The following ARSF variants were observed in gnomAD, a reference collection of about 807,000 sequenced individuals.
The protein encoded by ARSF is arylsulfatase F.
In ARSF, 33 loss-of-function variants were observed where a neutral mutation model predicts 35.4. The observed-to-expected ratio is 0.93, with a 90% CI of 0.71 to 1.25. ARSF has a LOEUF of 1.25. Ranked by LOEUF, ARSF falls within the 50% of genes most tolerant of loss-of-function variation. The probability of loss-of-function intolerance (pLI) is 0.00; values close to 1 mark genes in which losing one functional copy is unlikely to be tolerated. For missense variants in ARSF, 501 were observed against 480.2 expected, an observed-to-expected ratio of 1.04 and a Z score of -0.40; for synonymous variants, 222 against 193.1, an observed-to-expected ratio of 1.15 and a Z score of -1.24.
chrX:3,059,010 C>T (rs775933807), intron 1 of ARSF, among the ~76,000 whole-genome samples: 9 of 112,083 alleles, frequency 8.0e-5, no homozygotes, highest in African/African-American at 2.9e-4. Context: ...CATGGAGAAA[C>T]AGAATGAATT....
chrX:3,111,762 C>T (rs1165781514), intron 10 of ARSF, among the ~76,000 whole-genome samples: 8 of 109,170 alleles, frequency 7.3e-5, no homozygotes, highest in Admixed American at 4.0e-4. Context: ...AGTGGGAGCC[C>T]TGAGCTTGCT....
chrX:3,092,192 C>G (rs1342527335), intron 7 of ARSF, among the ~76,000 whole-genome samples: 1 of 109,396 alleles, frequency 9.1e-6, no homozygotes, highest in African/African-American at 3.3e-5. Flanking sequence ...TACATACATA[C>G]ATACATACAT....
At position 3,103,798 on chromosome X, in the gene ARSF, G is replaced by A. The variant is rs374784938; in HGVS notation, c.1139G>A (p.Arg380His). 1.4e-4 allele frequency: 169 copies of A among 1,209,724 alleles called. 1 individual carries two copies. The highest frequency in any genetic ancestry group is 9.2e-4 in the East Asian group (31 of 33,742). The part of the protein sequence containing the change: ...KGMGGWEGGI[R>H]VPGIVRWPGK... Reference sequence around the variant, plus strand: ...ATGGGGGGCTGGGAAGGTGGAATCCGCGTCCCAGGAATTGTCCGATGGCCT... The same window carrying A: ...ATGGGGGGCTGGGAAGGTGGAATCCACGTCCCAGGAATTGTCCGATGGCCT... Residue 380 changes from arginine to histidine, a missense_variant, in exon 9 of 11, where the codon CGC becomes CAC. Arg to His is a conservative substitution (Grantham distance 29). Transcript: ENST00000381127.
intron 8 of ARSF, among the ~76,000 whole-genome samples, chrX:3,102,536 T>C (rs981559500): frequency 9.8e-5 from 11 of 112,475 alleles, no homozygotes; most frequent in Admixed American, 2.8e-4. Flanking sequence ...GGTTGATGGG[T>C]ACTTAGGCTT....
At position 3,112,251 on chromosome X, in the gene ARSF, T is replaced by C; in HGVS notation, c.1468T>C (p.Leu490=). The C allele has an allele frequency of 8.3e-7, 1 of 1,210,542 alleles. No individual in the cohort carries two copies. Among genetic ancestry groups the C allele is most frequent in the Non-Finnish European group, 1.1e-6 (1 of 894,800 alleles). ...TTCTGGTGGCTGCTATGTCACCTCA[T>C]TATGCAGATGTTTCGGAGAACAGGT... is the stretch of plus-strand genomic sequence containing the variant. ...PASGGCYVTS[L]CRCFGEQVTY... Residue 490 remains leucine (L), a synonymous_variant, in exon 11 of 11, where the codon TTA becomes CTA. Coordinates refer to ENST00000381127, the MANE Select transcript of ARSF (RefSeq NM_001201539.2).
chrX:3,095,804 A>G (rs1056473954), intron 7 of ARSF, among the ~76,000 whole-genome samples: 1 of 109,928 alleles, frequency 9.1e-6, no homozygotes, highest in Non-Finnish European at 1.9e-5. Context: ...ATATTTTGAG[A>G]GACTTATAAG....
chrX:3,080,842 C>A lies in ARSF; in HGVS notation c.284-49C>A, dbSNP rs373614892. 5.3e-5 allele frequency: 63 copies of A among 1,192,827 alleles called. No individual in the cohort carries two copies. The African/African-American group carries it at 1.1e-3, about 20-fold the overall frequency. ...AAATTTTGTAGTGACAAAAATATTC[C>A]CTCTGTAGCAACACCTACTCATTGT... On this transcript the variant is annotated intron_variant, in intron 4 of 10. Transcript: ENST00000381127.
intron 1 of ARSF, among the ~76,000 whole-genome samples, chrX:3,061,745 G>C (rs191148559): frequency 1.7e-4 from 19 of 111,768 alleles, no homozygotes; most frequent in African/African-American, 6.2e-4. Context: ...TCAACAAGAA[G>C]ACCTAACTAT....
intron 7 of ARSF, among the ~76,000 whole-genome samples, chrX:3,092,884 C>T (rs1300482983): frequency 8.9e-6 from 1 of 112,195 alleles, no homozygotes. Flanking sequence ...TTATAATTAT[C>T]ATAGGTGGCC....
In ARSF at chrX:3,084,582, G is replaced by T. The variant is rs148764513; in HGVS notation, c.746G>T (p.Arg249Leu). The T allele has an allele frequency of 3.4e-4, 406 of 1,208,757 alleles. 1 individual carries two copies. The highest frequency in any genetic ancestry group is 4.4e-4 in the Non-Finnish European group (396 of 894,686). Residue 249 changes from arginine (R) to leucine (L), a missense_variant, in exon 6 of 11, where the codon CGG becomes CTG. Coordinates refer to ENST00000381127, the MANE Select transcript of ARSF (RefSeq NM_001201539.2). Reference sequence around the variant, plus strand: ...TTATACTGGGACTGCCTCCTCATGCGGGGGCACGAGATCACGGAGCAGCCC... The same window carrying T: ...TTATACTGGGACTGCCTCCTCATGCTGGGGCACGAGATCACGGAGCAGCCC... ...SPLYWDCLLMRGHEITEQPMK... is the reference protein window; with the variant it reads ...SPLYWDCLLMLGHEITEQPMK...
rs190353824 is a variant in ARSF at position 3,089,565 on chromosome X, C to A, written c.900C>A (p.Asp300Glu). 8 of 1,209,719 alleles carry A rather than the reference C, an allele frequency of 6.6e-6. No homozygotes were observed. Among genetic ancestry groups the A allele is most frequent in the South Asian group, 5.3e-5 (3 of 56,783 alleles). Residue 300 changes from aspartate to glutamate, a missense_variant, in exon 7 of 11, where the codon GAC becomes GAA. By Grantham distance (45) the Asp-to-Glu change is conservative. Coordinates refer to ENST00000381127, the MANE Select transcript of ARSF (RefSeq NM_001201539.2). The part of the protein sequence containing the change: ...LHVHTPLPTT[D>E]DFTGTSKHGL... ...TGCACACACCTCTCCCCACCACGGA[C>A]GATTTCACTGGCACCAGCAAGCATG...
At chrX:3,081,277 A>G (rs1388947491) in intron 5 of ARSF, among the ~76,000 whole-genome samples, 1 of 111,523 alleles carries the variant, frequency 9.0e-6, no homozygotes, top group Non-Finnish European at 1.9e-5. Context: ...GCATGTGCCT[A>G]TGGTCCCAGC....
chrX:3,093,020 C>G, intron 7 of ARSF, among the ~76,000 whole-genome samples: 1 of 105,519 alleles, frequency 9.5e-6, no homozygotes, highest in Non-Finnish European at 1.9e-5. Flanking sequence ...AATATACAAA[C>G]ACATCCGTGG....
chrX:3,062,720 T>C (rs145913533), intron 1 of ARSF, among the ~76,000 whole-genome samples: 8,150 of 111,096 alleles, frequency 0.073, 415 homozygotes, highest in African/African-American at 0.18. Flanking sequence ...TGGATAAATT[T>C]CTGGACACAT....
At chrX:3,060,723 G>A (rs1281992178) in intron 1 of ARSF, among the ~76,000 whole-genome samples, 1 of 111,530 alleles carries the variant, frequency 9.0e-6, no homozygotes, top group East Asian at 2.8e-4. Context: ...AGTGATTGAA[G>A]ATCAAATGAA....
At chrX:3,094,288 T>G (rs918887926) in intron 7 of ARSF, among the ~76,000 whole-genome samples, 1 of 111,932 alleles carries the variant, frequency 8.9e-6, no homozygotes, top group Non-Finnish European at 1.9e-5. Context: ...CAGCTACCTC[T>G]TATGCAGGGC....
rs929596934 is a variant in ARSF at position 3,063,493 on chromosome X, T to C, written c.-28-4580T>C. ...GAGAAAGAAAGAAAGGGTTTTCAAT[T>C]AGGAAAAGAGGAAGTCGAATTGTCC... On this transcript the variant is annotated intron_variant, in intron 1 of 10. Transcript: ENST00000381127. Among the ~76,000 whole-genome samples the C allele has an allele frequency of 6.3e-5, 7 of 111,415 alleles. No homozygotes were observed. The Admixed American group carries it at 6.7e-4, about 11-fold the overall frequency.
At chrX:3,095,848 C>T (rs1425992815) in intron 7 of ARSF, among the ~76,000 whole-genome samples, 2 of 109,472 alleles carry the variant, frequency 1.8e-5, no homozygotes, top group Non-Finnish European at 3.8e-5. Context: ...CAGGAAAATT[C>T]TTGCATGCTT....
Position 3,066,407 on chromosome X carries a change from A to G in ARSF, c.-28-1666A>G, listed in dbSNP as rs901439392. ...AGGGAAGACCTTCCATTTCCCTCCC[A>G]CGTCCCCACCACCTTTAGTTGGGAG... On this transcript the variant is annotated intron_variant, in intron 1 of 10. Coordinates refer to ENST00000381127, the MANE Select transcript of ARSF (RefSeq NM_001201539.2). Among the ~76,000 whole-genome samples, 14 of 111,127 alleles carry G rather than the reference A, an allele frequency of 1.3e-4. 1 individual carries two copies. In the Admixed American group the frequency reaches 1.4e-3, roughly 11 times the overall value.
Sources: gnomAD v4.1 joint callset for allele counts (sites outside exome capture counted in the v4.1 genomes callset) on GRCh38, gnomAD v4.1.1 for gene constraint, MANE v1.5 for transcripts, NCBI Gene and HGNC (gene_info 2026-07-23, HGNC 2026-07-21) for gene names.